RBL2: variants seen among roughly 807,000 people sequenced by gnomAD.
RBL2 encodes the protein retinoblastoma-like protein 2.
A neutral mutation model predicts 126.0 loss-of-function variants in RBL2; 56 were observed. The ratio of observed to expected loss-of-function variants is 0.44; its 90% CI spans 0.36 to 0.56. The LOEUF (loss-of-function observed/expected upper bound fraction) is 0.56, where lower values mean the gene tolerates loss of function less well. Among genes scored for constraint, RBL2 ranks in the 20% least tolerant of loss-of-function variants. RBL2 has a pLI of 0.00. For synonymous variants in RBL2, 454 were observed against 478.5 expected, an observed-to-expected ratio of 0.95 and a Z score of 0.67; for missense variants, 1,229 against 1,398.2, an observed-to-expected ratio of 0.88 and a Z score of 1.93.
chr16:53,481,615 G>T, intron 20 of RBL2, 56 bp from the exon 21 acceptor site: 1 of 1,384,914 alleles, frequency 7.2e-7, no homozygotes, highest in Non-Finnish European at 9.7e-7. Flanking sequence ...ATCATTTTCA[G>T]TAAAAATAAT....
chr16:53,460,987 AG>A (rs1260651958), intron 9 of RBL2, among the ~76,000 whole-genome samples: 1 of 152,220 alleles, frequency 6.6e-6, no homozygotes, highest in Admixed American at 6.5e-5. Context: ...GTAGAATGCC[AG>A]GAACAGTTTA....
chr16:53,482,485 G>A (rs1004836757), intron 21 of RBL2, among the ~76,000 whole-genome samples: 2 of 152,166 alleles, frequency 1.3e-5, no homozygotes, highest in Non-Finnish European at 2.9e-5. Context: ...GGATTGTGAA[G>A]GCCCTTACAT....
Position 53,443,909 on chromosome 16 carries a change from A to T in RBL2, c.572+1051A>T, listed in dbSNP as rs529616437. Among the ~76,000 whole-genome samples, 4 of 152,314 alleles carry T rather than the reference A, an allele frequency of 2.6e-5. No individual in the cohort carries two copies. In the South Asian group the frequency reaches 6.2e-4, roughly 24 times the overall value. On this transcript the variant is annotated intron_variant, in intron 3 of 21. Transcript: ENST00000262133. The stretch of plus-strand genomic sequence containing the variant: ...TAGATGGCACCACTGATACAGAAGC[A>T]TCTGGTCTAGCTCACTTACAGTTTT...
At chr16:53,479,616 T>C (rs1960864288) in intron 18 of RBL2, 1 of 459,316 alleles carries the variant, frequency 2.2e-6, no homozygotes, top group African/African-American at 2.0e-5. Flanking sequence ...CGGCCAGATC[T>C]GTGTATCTTA....
At chr16:53,453,426 C>CT (rs1286602676) in intron 5 of RBL2, 26 bp from the exon 6 acceptor site, 2 of 1,589,700 alleles carry the variant, frequency 1.3e-6, no homozygotes, top group Non-Finnish European at 1.7e-6. Flanking sequence ...GCTGATATCT[C>CT]TGTTTTGTGA....
At chr16:53,436,794 G>A (rs1033528247) in intron 1 of RBL2, among the ~76,000 whole-genome samples, 8 of 152,120 alleles carry the variant, frequency 5.3e-5, no homozygotes, top group African/African-American at 1.9e-4. Flanking sequence ...TGGCAGAGCC[G>A]GAATTTGAAA....
Position 53,490,722 on chromosome 16 carries a change from G to C in RBL2, c.*422G>C, listed in dbSNP as rs1345729135. On this transcript the variant is annotated 3_prime_UTR_variant, in exon 22 of 22. Transcript: ENST00000262133. ...CTCATAAAAAGCAAAACAAAAATTA[G>C]GTATTTTGTCCTAAAACACCTGGTA... 1 of 153,596 alleles carries C rather than the reference G, an allele frequency of 6.5e-6. No homozygotes were observed. Among genetic ancestry groups the C allele is most frequent in the African/African-American group, 2.4e-5 (1 of 41,158 alleles). The allele number at this position is 153,596 out of a possible 1,614,324, so 9.5% of individuals were successfully genotyped here.
chr16:53,487,928 G>GT (rs1221044258), intron 21 of RBL2: 3 of 152,274 alleles, frequency 2.0e-5, no homozygotes, highest in East Asian at 1.9e-4. Context: ...GTGACAAATC[G>GT]TAAGTTCTGA....
Position 53,462,594 on chromosome 16 carries a change from A to G in RBL2, c.1499A>G (p.Tyr500Cys), listed in dbSNP as rs577811022. 17 of 1,566,550 alleles carry G rather than the reference A, an allele frequency of 1.1e-5. No homozygotes were observed. The South Asian group carries it at 1.8e-4, about 17-fold the overall frequency. ...KHFRFAEMLY[Y>C]KVLESVIEQE... Reference sequence around the variant, plus strand: ...TTTCGTTTTGCGGAGATGCTTTACTATAAAGTATTAGAATCTGTTATTGAG... The same window carrying G: ...TTTCGTTTTGCGGAGATGCTTTACTGTAAAGTATTAGAATCTGTTATTGAG... The change falls in exon 11 of 22, where the codon TAT (tyrosine) becomes TGT (cysteine). Residue 500 changes from tyrosine to cysteine, a missense_variant. Physicochemically the swap from Tyr to Cys is radical, Grantham distance 194. Transcript: ENST00000262133.
rs142595191 is a variant in RBL2 at position 53,486,639 on chromosome 16, C to T, written c.3250-3491C>T. On this transcript the variant is annotated intron_variant, in intron 21 of 21. Transcript: ENST00000262133. ...CAAGGAACTTCCTCAGCTTGGTAAA[C>T]ATTTACCAAAAGCATCTACAGATAT... Among the ~76,000 whole-genome samples, 998 of 152,288 alleles carry T rather than the reference C, an allele frequency of 6.6e-3. 9 individuals carry two copies. Among genetic ancestry groups the T allele is most frequent in the Non-Finnish European group, 0.01 (685 of 68,022 alleles).
intron 10 of RBL2, 97 bp downstream of exon 10, chr16:53,461,947 C>A (rs2058225561): frequency 3.6e-6 from 4 of 1,107,006 alleles, no homozygotes; most frequent in African/African-American, 3.2e-5. Context: ...AGATTTATGA[C>A]TTTAGACTGA....
At chr16:53,461,193 A>G (rs2058216489) in intron 9 of RBL2, among the ~76,000 whole-genome samples, 1 of 152,178 alleles carries the variant, frequency 6.6e-6, no homozygotes, top group Non-Finnish European at 1.5e-5. Flanking sequence ...AACTTCCTGC[A>G]CTGAAAGGTG....
chr16:53,468,381 AC>A (rs1045570418), intron 14 of RBL2, among the ~76,000 whole-genome samples: 1 of 150,948 alleles, frequency 6.6e-6, no homozygotes. Flanking sequence ...TCTACCCCCA[AC>A]CCCCCCAAAA....
intron 4 of RBL2, among the ~76,000 whole-genome samples, chr16:53,448,403 T>C (rs557833144): frequency 6.6e-6 from 1 of 152,178 alleles, no homozygotes; most frequent in Admixed American, 6.5e-5. Flanking sequence ...GTGATCCACC[T>C]GCGTCAGCCT....
chr16:53,450,494 G>T (rs1313024292), intron 4 of RBL2, among the ~76,000 whole-genome samples: 2 of 152,112 alleles, frequency 1.3e-5, no homozygotes, highest in East Asian at 1.9e-4. Flanking sequence ...GCATACATGT[G>T]CAGTGTTTAA....
chr16:53,435,591 A>T (rs2057950974), intron 1 of RBL2: 1 of 1,253,416 alleles, frequency 8.0e-7, no homozygotes, highest in African/African-American at 1.6e-5. Flanking sequence ...TTCATGGGCC[A>T]ATGGGAAGTG....
chr16:53,447,521 T>C (rs2058073790), intron 4 of RBL2, among the ~76,000 whole-genome samples: 1 of 152,192 alleles, frequency 6.6e-6, no homozygotes, highest in Admixed American at 6.5e-5. Flanking sequence ...ATAAGTATAC[T>C]TAGTCAAATG....
intron 19 of RBL2, 184 bp downstream of exon 19, chr16:53,480,175 A>T: frequency 1.8e-6 from 1 of 562,644 alleles, no homozygotes; most frequent in Non-Finnish European, 3.1e-6. Context: ...GGCACATATT[A>T]TGTAACATTT....
At chr16:53,467,265 GAAGAA>G in intron 14 of RBL2, 96 bp downstream of exon 14, 4 of 972,698 alleles carry the variant, frequency 4.1e-6, no homozygotes, top group Non-Finnish European at 6.2e-6. Context: ...GGTATACATA[GAAGAA>G]AATATTCTAT....
Sources: allele counts gnomAD v4.1 joint callset (sites outside exome capture counted in the v4.1 genomes callset), GRCh38; gene constraint gnomAD v4.1.1; transcripts MANE v1.5; gene names NCBI Gene and HGNC (gene_info 2026-07-23, HGNC 2026-07-21).